The following FNDC3B variants were observed in gnomAD, a reference collection of about 807,000 sequenced individuals.
The protein encoded by FNDC3B is fibronectin type III domain-containing protein 3B.
In FNDC3B, 12 loss-of-function variants were observed where a neutral mutation model predicts 151.5. The observed-to-expected ratio is 0.08, with a 90% CI of 0.05 to 0.13. The LOEUF (loss-of-function observed/expected upper bound fraction) is 0.13, where lower values mean the gene tolerates loss of function less well. FNDC3B is among the 10% of genes least tolerant of loss of function. The probability of loss-of-function intolerance (pLI) is 1.00; values close to 1 mark genes in which losing one functional copy is unlikely to be tolerated. For missense variants in FNDC3B, 1,214 were observed against 1,505.3 expected (o/e 0.81, Z 3.20); for synonymous variants, 528 against 549.0 (o/e 0.96, Z 0.54).
intron 6 of FNDC3B, among the ~76,000 whole-genome samples, chr3:172,284,379 CTGTGG>C (rs1729900232): frequency 6.6e-6 from 1 of 152,150 alleles, no homozygotes; most frequent in Non-Finnish European, 1.5e-5. Flanking sequence ...ACTCCGGACC[CTGTGG>C]TGTCTCTGTC....
At position 172,222,654 on chromosome 3, in the gene FNDC3B, G is replaced by T. The variant is rs916959211; in HGVS notation, c.188-4217G>T. Among the ~76,000 whole-genome samples the T allele has an allele frequency of 2.6e-5, 4 of 152,248 alleles. 1 individual carries two copies. Among genetic ancestry groups the T allele is most frequent in the South Asian group, 4.1e-4 (2 of 4,830 alleles). On this transcript the variant is annotated intron_variant, in intron 3 of 25. Coordinates refer to ENST00000415807, the MANE Select transcript of FNDC3B (RefSeq NM_022763.4). ...GCACACAGCCTAGATCCCTCTTCAC[G>T]ATAGGGTTCGCTGCTGATTAGGAAT... is the stretch of plus-strand genomic sequence containing the variant.
At chr3:172,099,535 C>T (rs62283793) in intron 1 of FNDC3B, among the ~76,000 whole-genome samples, 8,200 of 152,156 alleles carry the variant, frequency 0.054, 318 homozygotes, top group East Asian at 0.19. Flanking sequence ...AGAGATTGCA[C>T]GGGGATCCCC....
intron 1 of FNDC3B, among the ~76,000 whole-genome samples, chr3:172,091,426 T>C (rs1173042441): frequency 6.6e-6 from 1 of 152,254 alleles, no homozygotes; most frequent in Non-Finnish European, 1.5e-5. Flanking sequence ...AAAAGGTAGA[T>C]ATTTTCCCTT....
At chr3:172,355,763 A>G (rs1258535137) in intron 22 of FNDC3B, among the ~76,000 whole-genome samples, 1 of 152,118 alleles carries the variant, frequency 6.6e-6, no homozygotes, top group African/African-American at 2.4e-5. Flanking sequence ...TCCCACCATC[A>G]TTTACACTGT....
chr3:172,085,407 A>G (rs1319651725), intron 1 of FNDC3B, among the ~76,000 whole-genome samples: 2 of 152,214 alleles, frequency 1.3e-5, no homozygotes, highest in Admixed American at 1.3e-4. Flanking sequence ...ACTAAATAGC[A>G]GCTCACTGTT....
At chr3:172,285,257 C>A (rs1729950403) in intron 6 of FNDC3B, among the ~76,000 whole-genome samples, 1 of 152,210 alleles carries the variant, frequency 6.6e-6, no homozygotes, top group Admixed American at 6.5e-5. Context: ...ACTGTCTCTA[C>A]TCTCAGCTCT....
chr3:172,294,310 A>G (rs1246082800), intron 7 of FNDC3B, among the ~76,000 whole-genome samples: 1 of 152,210 alleles, frequency 6.6e-6, no homozygotes, highest in African/African-American at 2.4e-5. Context: ...TATGAAGAAA[A>G]GAGGTTTAAT....
At chr3:172,154,239 C>CA (rs1166363801) in intron 3 of FNDC3B, among the ~76,000 whole-genome samples, 1 of 151,866 alleles carries the variant, frequency 6.6e-6, no homozygotes, top group Non-Finnish European at 1.5e-5. Context: ...TTTTTTGAGA[C>CA]AGAGTCTTGC....
chr3:172,090,532 T>C (rs946124292), intron 1 of FNDC3B, among the ~76,000 whole-genome samples: 2 of 152,172 alleles, frequency 1.3e-5, no homozygotes, highest in South Asian at 4.1e-4. Flanking sequence ...GTTTCCTGCT[T>C]CTCCAGAGCA....
chr3:172,369,973 GAC>G (rs1734808987), intron 23 of FNDC3B, among the ~76,000 whole-genome samples: 1 of 151,048 alleles, frequency 6.6e-6, no homozygotes, highest in Non-Finnish European at 1.5e-5. Context: ...AAAAAAAAAA[GAC>G]ATGTCATTTT....
chr3:172,387,415 T>A (rs1735776508), intron 25 of FNDC3B, among the ~76,000 whole-genome samples: 1 of 152,248 alleles, frequency 6.6e-6, no homozygotes, highest in Non-Finnish European at 1.5e-5. Flanking sequence ...CATATTTTTT[T>A]AATGACTTTC....
intron 25 of FNDC3B, among the ~76,000 whole-genome samples, chr3:172,389,897 A>G (rs1735919277): frequency 6.6e-6 from 1 of 152,168 alleles, no homozygotes; most frequent in Non-Finnish European, 1.5e-5. Context: ...TGCATAAAAT[A>G]TACTAGAAAC....
intron 6 of FNDC3B, among the ~76,000 whole-genome samples, chr3:172,251,897 G>A (rs1440341188): frequency 6.6e-6 from 1 of 152,196 alleles, no homozygotes; most frequent in Non-Finnish European, 1.5e-5. Context: ...GTGTAGGCTA[G>A]TTTAAATCTC....
chr3:172,171,632 G>A (rs1723289202), intron 3 of FNDC3B, among the ~76,000 whole-genome samples: 2 of 148,182 alleles, frequency 1.3e-5, no homozygotes, highest in African/African-American at 5.0e-5. Flanking sequence ...AAGTGCAGAG[G>A]CATCTCCCCT....
intron 1 of FNDC3B, among the ~76,000 whole-genome samples, chr3:172,060,853 T>G (rs955632518): frequency 2.6e-5 from 4 of 152,378 alleles, no homozygotes; most frequent in Admixed American, 2.0e-4. Flanking sequence ...AGACATGTTC[T>G]AATTATAATT....
chr3:172,337,084 C>T (rs951604274), intron 15 of FNDC3B, among the ~76,000 whole-genome samples: 6 of 152,156 alleles, frequency 3.9e-5, no homozygotes, highest in Admixed American at 6.5e-5. Flanking sequence ...TCATATTTCA[C>T]TACATGAATG....
chr3:172,245,940 A>G (rs560188828), intron 4 of FNDC3B, among the ~76,000 whole-genome samples: 3 of 152,330 alleles, frequency 2.0e-5, no homozygotes, highest in Admixed American at 6.5e-5. Context: ...TTTTTTTAAC[A>G]TAAGGATTAA....
chr3:172,290,692 T>A (rs1284750338), intron 7 of FNDC3B, among the ~76,000 whole-genome samples: 2 of 152,184 alleles, frequency 1.3e-5, no homozygotes, highest in Non-Finnish European at 2.9e-5. Context: ...TAAGAAGCAA[T>A]CCCTTGAAAG....
chr3:172,385,055 A>C (rs1380175718), intron 25 of FNDC3B, among the ~76,000 whole-genome samples: 1 of 151,950 alleles, frequency 6.6e-6, no homozygotes, highest in Non-Finnish European at 1.5e-5. Flanking sequence ...TGAGTCAGGG[A>C]CAATTTGTAC....
Sources: allele counts gnomAD v4.1 joint callset (sites outside exome capture counted in the v4.1 genomes callset), GRCh38; gene constraint gnomAD v4.1.1; transcripts MANE v1.5; gene names NCBI Gene and HGNC (gene_info 2026-07-23, HGNC 2026-07-21).